The following PTCH1 variants were observed in gnomAD, a reference collection of about 807,000 sequenced individuals.
PTCH1 encodes the protein patched 1.
A neutral mutation model predicts 144.6 loss-of-function variants in PTCH1; 14 were observed. That is an observed-to-expected ratio of 0.10 (90% confidence interval 0.06 to 0.15). The LOEUF (loss-of-function observed/expected upper bound fraction) is 0.15. PTCH1 is among the 10% of genes least tolerant of loss of function. The pLI is 1.00. For missense variants in PTCH1, 1,623 were observed against 1,948.3 expected, an observed-to-expected ratio of 0.83 and a Z score of 3.14; for synonymous variants, 833 against 793.6, an observed-to-expected ratio of 1.05 and a Z score of -0.83.
At position 95,488,972 on chromosome 9, in the gene PTCH1, C is replaced by G. The variant is rs539485569; in HGVS notation, c.395-3098G>C. On this transcript the variant is annotated intron_variant, in intron 2 of 23. Transcript: ENST00000331920. ...GAGAAGGGAGGCAAGTGTGGCGGAGCTTGGTGAGACCATAATTAAGTCTTG... is the reference window on the plus strand; with the variant it reads ...GAGAAGGGAGGCAAGTGTGGCGGAGGTTGGTGAGACCATAATTAAGTCTTG... 3.9e-5 allele frequency among the ~76,000 whole-genome samples: 6 copies of G among 152,286 alleles called. No individual in the cohort carries two copies. The East Asian group carries it at 1.2e-3, about 29-fold the overall frequency.
rs944334466 is a variant in PTCH1, at chr9:95,467,523, A to C, written c.2251-98T>G. 4 of 1,193,448 alleles carry C rather than the reference A, an allele frequency of 3.4e-6. No individual in the cohort carries two copies. The African/African-American group carries it at 6.1e-5, about 18-fold the overall frequency. 73.9% of individuals were successfully genotyped at this position (1,193,448 alleles called of 1,614,324 possible). On this transcript the variant is annotated intron_variant, in intron 14 of 23. Transcript: ENST00000331920. The stretch of plus-strand genomic sequence containing the variant: ...TAGTTAATACCTTGTTTTCACCACC[A>C]CACTTAAACTGATTTATCTTGTAGG...
intron 16 of PTCH1, 138 bp from the exon 17 acceptor site, chr9:95,459,921 T>C (rs934040641): frequency 1.4e-5 from 13 of 933,388 alleles, no homozygotes; most frequent in Admixed American, 7.9e-5. Flanking sequence ...GTGTCGAAAA[T>C]CCCATCAGAA....
chr9:95,494,103 G>A (rs1254512584), intron 2 of PTCH1, among the ~76,000 whole-genome samples: 1 of 152,016 alleles, frequency 6.6e-6, no homozygotes, highest in Admixed American at 6.5e-5. Flanking sequence ...CGGGGCATGT[G>A]GCAGGCTGGG....
chr9:95,492,719 A>C (rs1842504086), intron 2 of PTCH1, among the ~76,000 whole-genome samples: 1 of 151,870 alleles, frequency 6.6e-6, no homozygotes, highest in Non-Finnish European at 1.5e-5. Flanking sequence ...TTACGCTCAC[A>C]GCTAGAATTT....
intron 15 of PTCH1, among the ~76,000 whole-genome samples, chr9:95,462,803 G>A (rs1249997940): frequency 6.6e-6 from 1 of 152,204 alleles, no homozygotes; most frequent in Admixed American, 6.5e-5. Context: ...GGGCCTGGGG[G>A]ATGGGCGAGC....
rs184306287 is a variant in PTCH1, at chr9:95,488,998, T to G, written c.395-3124A>C. The stretch of plus-strand genomic sequence containing the variant: ...TTGGTGAGACCATAATTAAGTCTTG[T>G]GTCATTCACCATGTGAACTGGTAGA... On this transcript the variant is annotated intron_variant, in intron 2 of 23. Transcript: ENST00000331920. Among the ~76,000 whole-genome samples, 5 of 152,306 alleles carry G rather than the reference T, an allele frequency of 3.3e-5. No homozygotes were observed. The East Asian group carries it at 5.8e-4, about 18-fold the overall frequency.
At chr9:95,482,502 C>A in intron 3 of PTCH1, 1 of 440,530 alleles carries the variant, frequency 2.3e-6, no homozygotes, top group Non-Finnish European at 4.1e-6. Context: ...ATCTGCTTTT[C>A]TACATACATT....
intron 16 of PTCH1, among the ~76,000 whole-genome samples, chr9:95,461,424 C>T (rs141669753): frequency 6.6e-6 from 1 of 152,326 alleles, no homozygotes; most frequent in East Asian, 1.9e-4. Flanking sequence ...TCCTAACCCA[C>T]CCACCTACCC....
exon 1 of PTCH1, chr9:95,516,961 T>G (rs1243659883): frequency 1.6e-6 from 1 of 623,828 alleles, no homozygotes. Flanking sequence ...ACAGCCCTCC[T>G]GGGTAAACAG....
At chr9:95,447,951 C>G (rs749747721) in intron 22 of PTCH1, among the ~76,000 whole-genome samples, 1 of 152,236 alleles carries the variant, frequency 6.6e-6, no homozygotes, top group African/African-American at 2.4e-5. Flanking sequence ...TCCTCGGTAG[C>G]CCCGGCCACA....
At chr9:95,462,081 A>G (rs946787072) in intron 15 of PTCH1, 83 bp from the exon 16 acceptor site, 9 of 1,521,150 alleles carry the variant, frequency 5.9e-6, no homozygotes, top group Non-Finnish European at 8.2e-6. Flanking sequence ...GAGGAGACTG[A>G]GCAGGGCAGG....
chr9:95,448,226 G>GCGTCGT (rs1838133871), intron 22 of PTCH1, among the ~76,000 whole-genome samples: 1 of 152,242 alleles, frequency 6.6e-6, no homozygotes, highest in South Asian at 2.1e-4. Context: ...AGCTCAGCGG[G>GCGTCGT]CGTCGTCGCG....
At chr9:95,490,135 T>C (rs983887037) in intron 2 of PTCH1, among the ~76,000 whole-genome samples, 2 of 151,768 alleles carry the variant, frequency 1.3e-5, no homozygotes, top group African/African-American at 4.8e-5. Flanking sequence ...CTTTGCTTTT[T>C]TGAGTTTATT....
intron 7 of PTCH1, 119 bp from the exon 8 acceptor site, chr9:95,479,266 A>T: frequency 1.5e-6 from 2 of 1,293,378 alleles, no homozygotes; most frequent in Non-Finnish European, 2.2e-6. Context: ...CTTCTCTGTG[A>T]GCACATGTTT....
At chr9:95,466,241 T>C (rs1004063798) in intron 15 of PTCH1, among the ~76,000 whole-genome samples, 2 of 152,270 alleles carry the variant, frequency 1.3e-5, no homozygotes, top group South Asian at 4.2e-4. Context: ...AGAGAGCTGG[T>C]TTCACTAGTA....
intron 19 of PTCH1, among the ~76,000 whole-genome samples, chr9:95,453,861 T>A (rs987400430): frequency 1.3e-5 from 2 of 152,180 alleles, no homozygotes; most frequent in African/African-American, 4.8e-5. Context: ...CAAAACTATA[T>A]AAAAATGGAC....
At chr9:95,492,790 CAA>C (rs1204775547) in intron 2 of PTCH1, among the ~76,000 whole-genome samples, 10 of 149,272 alleles carry the variant, frequency 6.7e-5, no homozygotes, top group Admixed American at 2.6e-4. Flanking sequence ...CATGTTGCAT[CAA>C]AGACTTTTCT....
chr9:95,453,167 C>G, intron 20 of PTCH1: 2 of 384,126 alleles, frequency 5.2e-6, no homozygotes, highest in South Asian at 4.5e-5. Flanking sequence ...GAATCTCGCT[C>G]TGTCACCCAG....
At chr9:95,510,568 TC>T (rs1489310718), upstream of PTCH1, among the ~76,000 whole-genome samples, 1 of 152,094 alleles carries the variant, frequency 6.6e-6, no homozygotes, top group Admixed American at 6.5e-5. Flanking sequence ...GTTATTACGT[TC>T]CTCCCTGCGG....
Sources: allele counts gnomAD v4.1 joint callset (sites outside exome capture counted in the v4.1 genomes callset), GRCh38; gene constraint gnomAD v4.1.1; transcripts MANE v1.5; gene names NCBI Gene and HGNC (gene_info 2026-07-23, HGNC 2026-07-21).